RBPJ: variants seen among roughly 807,000 people sequenced by gnomAD.
RBPJ encodes recombination signal binding protein for immunoglobulin kappa J region.
Under a neutral mutation model 67.8 loss-of-function variants are expected in RBPJ, and 9 were observed. The ratio of observed to expected loss-of-function variants is 0.13; its 90% confidence interval spans 0.08 to 0.23. The LOEUF (loss-of-function observed/expected upper bound fraction) is 0.23, where lower values mean the gene tolerates loss of function less well. Ranked by LOEUF, RBPJ falls within the 10% of genes least tolerant of loss-of-function variation. The pLI is 1.00. For missense variants in RBPJ, 305 were observed against 595.6 expected, an observed-to-expected ratio of 0.51 and a Z score of 5.08; for synonymous variants, 198 against 203.3, an observed-to-expected ratio of 0.97 and a Z score of 0.22.
chr4:26,153,608 G>A, the RBPJ span, among the ~76,000 whole-genome samples: 1 of 152,146 alleles, frequency 6.6e-6, no homozygotes, highest in Non-Finnish European at 1.5e-5. Flanking sequence ...TAGTAACAGT[G>A]GTTTTTGTCT....
chr4:26,171,012 G>C lies in RBPJ; in HGVS notation c.-167+7398G>C, dbSNP rs550728951. On this transcript the variant is annotated intron_variant, in intron 1 of 4. Coordinates refer to the RBPJ transcript ENST00000512351. ...AGGGGTGGCTGTTGTTTTGGCTGGTGGTGGTGGTTTATATTAATACGTGAT... is the reference window on the plus strand; with the variant it reads ...AGGGGTGGCTGTTGTTTTGGCTGGTCGTGGTGGTTTATATTAATACGTGAT... Among the ~76,000 whole-genome samples, 4 of 152,334 alleles carry C rather than the reference G, an allele frequency of 2.6e-5. No homozygotes were observed. The East Asian group carries it at 7.7e-4, about 29-fold the overall frequency.
chr4:26,326,771 A>AG (rs1723668332), intron 1 of RBPJ, among the ~76,000 whole-genome samples: 1 of 152,190 alleles, frequency 6.6e-6, no homozygotes, highest in Non-Finnish European at 1.5e-5. Flanking sequence ...AAATATTTTA[A>AG]TTACTATAAG....
intron 1 of RBPJ, among the ~76,000 whole-genome samples, chr4:26,292,203 TGACC>T (rs1721694155): frequency 6.6e-6 from 1 of 150,468 alleles, no homozygotes; most frequent in Non-Finnish European, 1.5e-5. Context: ...TTGTACATTT[TGACC>T]AACATCTTTC....
intron 2 of RBPJ, among the ~76,000 whole-genome samples, chr4:26,390,078 G>A (rs573273833): frequency 6.6e-6 from 1 of 152,246 alleles, no homozygotes; most frequent in African/African-American, 2.4e-5. Flanking sequence ...ATATATTGAG[G>A]GGATGATACA....
At chr4:26,127,464 G>C in the RBPJ span, among the ~76,000 whole-genome samples, 1 of 152,096 alleles carries the variant, frequency 6.6e-6, no homozygotes, top group Non-Finnish European at 1.5e-5. Context: ...AGTTTGACAG[G>C]GTCTGTGGGC....
intron 1 of RBPJ, among the ~76,000 whole-genome samples, chr4:26,355,807 A>G (rs914950224): frequency 6.6e-6 from 1 of 152,238 alleles, no homozygotes; most frequent in Non-Finnish European, 1.5e-5. Context: ...GTAAGGAAGA[A>G]CACCATAGCT....
At chr4:26,157,304 A>G in the RBPJ span, among the ~76,000 whole-genome samples, 1 of 152,016 alleles carries the variant, frequency 6.6e-6, no homozygotes, top group East Asian at 1.9e-4. Flanking sequence ...ATGTTGACAC[A>G]CATCTGCAGT....
chr4:26,398,768 C>A (rs1242879040), intron 2 of RBPJ, among the ~76,000 whole-genome samples: 1 of 152,166 alleles, frequency 6.6e-6, no homozygotes, highest in Admixed American at 6.5e-5. Context: ...CGTCTGCCAC[C>A]ACACCCGGGT....
At chr4:26,130,210 A>G in the RBPJ span, among the ~76,000 whole-genome samples, 10 of 152,156 alleles carry the variant, frequency 6.6e-5, no homozygotes, top group African/African-American at 9.7e-5. Context: ...GGTGGTACCT[A>G]CCTAAATACA....
chr4:26,390,261 C>G (rs889695147), intron 2 of RBPJ, among the ~76,000 whole-genome samples: 4 of 152,146 alleles, frequency 2.6e-5, no homozygotes, highest in African/African-American at 4.8e-5. Flanking sequence ...ATTTCCTCAT[C>G]ATAGGGTGCC....
At chr4:26,405,613 A>ATATCCTT (rs1227853167) in intron 2 of RBPJ, among the ~76,000 whole-genome samples, 8 of 152,148 alleles carry the variant, frequency 5.3e-5, no homozygotes, top group African/African-American at 1.9e-4. Context: ...TTATTTAATA[A>ATATCCTT]TATCCTTGAG....
At chr4:26,389,858 G>T (rs919385990) in intron 2 of RBPJ, among the ~76,000 whole-genome samples, 4 of 151,968 alleles carry the variant, frequency 2.6e-5, no homozygotes, top group African/African-American at 9.7e-5. Context: ...GAATTCTACT[G>T]TATATTTAAG....
At chr4:26,256,548 C>T (rs4692491) in intron 1 of RBPJ, among the ~76,000 whole-genome samples, 1,917 of 152,198 alleles carry the variant, frequency 0.013, 27 homozygotes, top group Non-Finnish European at 0.022. Flanking sequence ...CAGAAATCTA[C>T]ATTAAAAATA....
chr4:26,398,984 T>C (rs1732472482), intron 2 of RBPJ, among the ~76,000 whole-genome samples: 1 of 152,236 alleles, frequency 6.6e-6, no homozygotes. Context: ...CTAGGTTTTT[T>C]TGCAGTGCAT....
At chr4:26,389,458 T>G (rs2109652486) in intron 2 of RBPJ, among the ~76,000 whole-genome samples, 1 of 150,656 alleles carries the variant, frequency 6.6e-6, no homozygotes. Context: ...AACCTAGAAT[T>G]CTATACCCAG....
At chr4:26,110,199 T>C in the RBPJ span, among the ~76,000 whole-genome samples, 1 of 152,236 alleles carries the variant, frequency 6.6e-6, no homozygotes. The surrounding 1 kb of genome is among the most constrained non-coding windows in gnomAD (Gnocchi z 4.5). Context: ...TTTCAATTTC[T>C]CTGTACTTCT....
chr4:26,166,857 G>A (rs1289510794), intron 1 of RBPJ, among the ~76,000 whole-genome samples: 6 of 152,070 alleles, frequency 3.9e-5, no homozygotes, highest in African/African-American at 2.4e-5. Context: ...TAGGTCTAAC[G>A]TTTAAGTCTT....
intron 4 of RBPJ, among the ~76,000 whole-genome samples, chr4:26,416,694 C>G (rs536729874): frequency 3.3e-5 from 5 of 152,196 alleles, no homozygotes; most frequent in Admixed American, 2.0e-4. Context: ...TTTGATACAT[C>G]CTTGTTGAAT....
chr4:26,113,321 T>G, the RBPJ span: 5 of 502,942 alleles, frequency 9.9e-6, no homozygotes, highest in Non-Finnish European at 2.0e-5. Context: ...TAAATAAACC[T>G]ACGAATGTGG....
Sources: gnomAD v4.1 joint callset for allele counts (sites outside exome capture counted in the v4.1 genomes callset) on GRCh38, gnomAD v4.1.1 for gene constraint, Gnocchi (gnomAD v3.1) non-coding constraint, MANE v1.5 for transcripts, NCBI Gene and HGNC (gene_info 2026-07-23, HGNC 2026-07-21) for gene names.